The following ATP6V1C2 variants were observed in gnomAD, a reference collection of about 807,000 sequenced individuals.
ATP6V1C2 encodes V-type proton ATPase subunit C 2.
Under a neutral mutation model 56.8 loss-of-function variants are expected in ATP6V1C2, and 45 were observed. The observed-to-expected ratio is 0.79, with a 90% confidence interval of 0.62 to 1.02. The LOEUF is 1.02. Ranked by LOEUF, ATP6V1C2 falls within the 50% of genes least tolerant of loss-of-function variation. The pLI, the probability that ATP6V1C2 is intolerant of heterozygous loss-of-function variation, is 0.00. For missense variants in ATP6V1C2, 463 were observed against 519.7 expected, an observed-to-expected ratio of 0.89 and a Z score of 1.06; for synonymous variants, 220 against 201.3, an observed-to-expected ratio of 1.09 and a Z score of -0.79.
intron 3 of ATP6V1C2, among the ~76,000 whole-genome samples, chr2:10,745,252 C>T (rs1184490257): frequency 6.7e-6 from 1 of 148,354 alleles, no homozygotes; most frequent in Admixed American, 6.7e-5. Flanking sequence ...TGGCCAGGCT[C>T]GTCTCAAACT....
Position 10,783,986 on chromosome 2 carries a change from G to A in ATP6V1C2, c.*723G>A. ...AGAACATTCAAGCAGCAGTCAGAGA[G>A]AAAAATGTTTCGACAGCCAAGTTTT... On this transcript the variant is annotated 3_prime_UTR_variant, in exon 14 of 14. Coordinates refer to ENST00000272238, the MANE Select transcript of ATP6V1C2 (RefSeq NM_001039362.2). 1 of 280,136 alleles carries A rather than the reference G, an allele frequency of 3.6e-6. No individual in the cohort carries two copies. The highest frequency in any genetic ancestry group is 6.3e-5 in the East Asian group (1 of 15,852). 17.4% of individuals were successfully genotyped at this position (280,136 alleles called of 1,614,324 possible). A position where few individuals can be genotyped will look rare whatever the true frequency, so the allele number is the denominator to read the frequency against.
chr2:10,738,930 G>A (rs935393245), intron 3 of ATP6V1C2, among the ~76,000 whole-genome samples: 1 of 152,170 alleles, frequency 6.6e-6, no homozygotes, highest in Non-Finnish European at 1.5e-5. Flanking sequence ...CCACTTCTCA[G>A]CACGTCCATC....
At chr2:10,760,143 C>T (rs554126923) in intron 4 of ATP6V1C2, among the ~76,000 whole-genome samples, 1 of 150,996 alleles carries the variant, frequency 6.6e-6, no homozygotes, top group Admixed American at 6.6e-5. Flanking sequence ...GAGGCCGAGG[C>T]GGGCGGATCA....
upstream of ATP6V1C2, among the ~76,000 whole-genome samples, chr2:10,721,142 G>C (rs1220540293): frequency 6.6e-6 from 1 of 152,130 alleles, no homozygotes; most frequent in Admixed American, 6.5e-5. Flanking sequence ...GGTGCGTCCC[G>C]AGCACCTGCG....
intron 3 of ATP6V1C2, among the ~76,000 whole-genome samples, chr2:10,740,317 T>C (rs1662479221): frequency 6.6e-6 from 1 of 152,166 alleles, no homozygotes. Flanking sequence ...AGAGTAAACA[T>C]ATTTTCAAGA....
At chr2:10,754,521 C>G (rs143372414) in intron 4 of ATP6V1C2, among the ~76,000 whole-genome samples, 1 of 151,686 alleles carries the variant, frequency 6.6e-6, no homozygotes, top group African/African-American at 2.4e-5. Flanking sequence ...CTACCATGCC[C>G]GGCCAATTTT....
intron 3 of ATP6V1C2, among the ~76,000 whole-genome samples, chr2:10,749,265 C>G (rs562866507): frequency 2.8e-4 from 42 of 151,784 alleles, no homozygotes; most frequent in Middle Eastern, 3.4e-3. Context: ...GAAGCCGAGG[C>G]AGGAGGATCA....
intron 12 of ATP6V1C2, among the ~76,000 whole-genome samples, 194 bp from the exon 13 acceptor site, chr2:10,782,049 G>A (rs1665392887): frequency 6.6e-6 from 1 of 151,992 alleles, no homozygotes; most frequent in Admixed American, 6.6e-5. Flanking sequence ...GCTATCAGAA[G>A]GGGGTTAGCA....
At chr2:10,752,815 G>A (rs1663295393) in intron 3 of ATP6V1C2, among the ~76,000 whole-genome samples, 1 of 152,082 alleles carries the variant, frequency 6.6e-6, no homozygotes, top group Non-Finnish European at 1.5e-5. Flanking sequence ...GGCCAACATG[G>A]CAAAACCCCG....
At chr2:10,755,445 G>T (rs1447797175) in intron 4 of ATP6V1C2, among the ~76,000 whole-genome samples, 1 of 152,242 alleles carries the variant, frequency 6.6e-6, no homozygotes, top group Admixed American at 6.5e-5. Flanking sequence ...GCCTCCCAAA[G>T]TGCTGGGATT....
At chr2:10,737,524 G>C (rs1049085406) in intron 3 of ATP6V1C2, among the ~76,000 whole-genome samples, 4 of 152,110 alleles carry the variant, frequency 2.6e-5, no homozygotes, top group African/African-American at 9.7e-5. Flanking sequence ...ATTTTTCTAA[G>C]TGTTTCATGG....
Position 10,726,432 on chromosome 2 carries a change from C to T in ATP6V1C2, c.130-70C>T, listed in dbSNP as rs1032883322. On this transcript the variant is annotated intron_variant, in intron 2 of 13. Transcript: ENST00000272238. ...CAAGATGAAGTGACAGAGTCCCTGC[C>T]GTGTTGTTGAGATGGCATCATGCTT... 29 of 1,177,276 alleles carry T rather than the reference C, an allele frequency of 2.5e-5. 1 individual carries two copies. Among genetic ancestry groups the T allele is most frequent in the South Asian group, 2.2e-4 (18 of 82,168 alleles). 72.9% of individuals were successfully genotyped at this position (1,177,276 alleles called of 1,614,324 possible).
At chr2:10,761,623 C>T (rs1204031559) in intron 4 of ATP6V1C2, among the ~76,000 whole-genome samples, 2 of 152,204 alleles carry the variant, frequency 1.3e-5, no homozygotes, top group Non-Finnish European at 2.9e-5. Context: ...TAAGATCAGA[C>T]AACCTGGTTT....
In ATP6V1C2 at chr2:10,723,457, G is replaced by A. The variant is rs555922008; in HGVS notation, c.129+479G>A. 2.0e-5 allele frequency among the ~76,000 whole-genome samples: 3 copies of A among 152,222 alleles called. No homozygotes were observed. In the South Asian group the frequency reaches 6.2e-4, roughly 32 times the overall value. On this transcript the variant is annotated intron_variant, in intron 2 of 13. Transcript: ENST00000272238. ...TGGTCCTGAGGGAGGGGAAGGGAGG[G>A]AATTTGGTGACAGAAGAGAGTTTGG... is the stretch of plus-strand genomic sequence containing the variant.
Position 10,784,513 on chromosome 2 carries a change from G to A in ATP6V1C2, c.*1250G>A, listed in dbSNP as rs568607373. ...GGATGGAAAAGCTCAGAACTCAGGTGAAACATTTCAACATCACATCACTCA... is the reference window on the plus strand; with the variant it reads ...GGATGGAAAAGCTCAGAACTCAGGTAAAACATTTCAACATCACATCACTCA... On this transcript the variant is annotated 3_prime_UTR_variant, in exon 14 of 14. Transcript: ENST00000272238. 5.5e-6 allele frequency: 3 copies of A among 547,800 alleles called. No homozygotes were observed. Among genetic ancestry groups the A allele is most frequent in the African/African-American group, 1.9e-5 (1 of 52,876 alleles). 33.9% of individuals were successfully genotyped at this position (547,800 alleles called of 1,614,324 possible).
intron 8 of ATP6V1C2, among the ~76,000 whole-genome samples, chr2:10,773,701 G>C (rs974667166): frequency 6.6e-6 from 1 of 152,156 alleles, no homozygotes; most frequent in Non-Finnish European, 1.5e-5. Context: ...ATTTTCCTCT[G>C]TACCTTTTTG....
intron 2 of ATP6V1C2, among the ~76,000 whole-genome samples, chr2:10,725,141 C>T (rs144711586): frequency 5.3e-5 from 8 of 152,006 alleles, no homozygotes; most frequent in African/African-American, 1.4e-4. Context: ...TGGCCAGGCA[C>T]GGTGGCTCAC....
At chr2:10,728,504 G>A (rs1224674325) in intron 3 of ATP6V1C2, among the ~76,000 whole-genome samples, 1 of 152,156 alleles carries the variant, frequency 6.6e-6, no homozygotes, top group Non-Finnish European at 1.5e-5. Context: ...TTTAATGGCT[G>A]TGTTACTGTG....
At chr2:10,745,369 T>TA (rs1558397998) in intron 3 of ATP6V1C2, among the ~76,000 whole-genome samples, 31 of 151,008 alleles carry the variant, frequency 2.1e-4, no homozygotes, top group Admixed American at 1.8e-3. Flanking sequence ...TTTTTTTTTT[T>TA]CTTTAGACAG....
Sources: allele counts gnomAD v4.1 joint callset (sites outside exome capture counted in the v4.1 genomes callset), GRCh38; gene constraint gnomAD v4.1.1; transcripts MANE v1.5; gene names NCBI Gene and HGNC (gene_info 2026-07-23, HGNC 2026-07-21).